The following HS3ST6 variants were observed in gnomAD, a reference collection of about 807,000 sequenced individuals.
HS3ST6 encodes heparan sulfate-glucosamine 3-sulfotransferase 6.
A neutral mutation model predicts 11.0 loss-of-function variants in HS3ST6; 13 were observed. That is an observed-to-expected ratio of 1.18 (90% CI 0.77 to 1.88). The LOEUF is 1.88. Ranked by LOEUF, HS3ST6 falls within the 40% of genes most tolerant of loss-of-function variation. The pLI, the probability that HS3ST6 is intolerant of heterozygous loss-of-function variation, is 0.00. For synonymous variants in HS3ST6, 232 were observed against 230.6 expected (o/e 1.01, Z -0.06); for missense variants, 541 against 494.4 (o/e 1.09, Z -0.89).
chr16:1,911,553 G>T lies in HS3ST6; in HGVS notation c.*37C>A, dbSNP rs1172933176. On this transcript the variant is annotated 3_prime_UTR_variant, in exon 2 of 2. Transcript: ENST00000454677. Reference sequence around the variant, plus strand: ...CAGCCCGCTCTGGCCAGGCGAGCGGGTGTCAATCAAGGTGCTGAGCATCCC... The same window carrying T: ...CAGCCCGCTCTGGCCAGGCGAGCGGTTGTCAATCAAGGTGCTGAGCATCCC... 5.2e-6 allele frequency: 8 copies of T among 1,541,286 alleles called. No homozygotes were observed. The highest frequency in any genetic ancestry group is 1.4e-5 in the African/African-American group (1 of 72,716).
At position 1,912,074 on chromosome 16, in the gene HS3ST6, TTCCGCACCAC is replaced by T. The variant is rs774515136; in HGVS notation, c.535_544del (p.Val179ThrfsTer3). The T allele has an allele frequency of 3.3e-6, 5 of 1,513,176 alleles. No homozygotes were observed. Among genetic ancestry groups the T allele is most frequent in the Non-Finnish European group, 4.4e-6 (5 of 1,132,964 alleles). 93.7% of individuals were successfully genotyped at this position (1,513,176 alleles called of 1,614,324 possible). Reference sequence around the variant, plus strand: ...GTCGGAGATGGCCCGGGTCACGGGGTTCCGCACCACCACGATCAGCTTCGTGTCCGGGGAC... The same window carrying T: ...GTCGGAGATGGCCCGGGTCACGGGGTCACGATCAGCTTCGTGTCCGGGGAC... On this transcript the variant is annotated frameshift_variant, in exon 2 of 2. Transcript: ENST00000454677. LOFTEE classifies it low-confidence loss of function (END_TRUNC). This position sits in a 1 kb window ranked among gnomAD's most constrained non-coding sequence, Gnocchi z 5.6.
chr16:1,917,067 T>C (rs2082930989), intron 1 of HS3ST6, among the ~76,000 whole-genome samples: 1 of 152,016 alleles, frequency 6.6e-6, no homozygotes, highest in Non-Finnish European at 1.5e-5. Context: ...AGAGTAGTTT[T>C]AGTACAAAAG....
chr16:1,916,380 T>TC (rs1284578977), intron 1 of HS3ST6, among the ~76,000 whole-genome samples: 1 of 147,794 alleles, frequency 6.8e-6, no homozygotes, highest in East Asian at 2.0e-4. Flanking sequence ...GAGCAGTCAC[T>TC]CTCCTGTACC....
chr16:1,920,397 AGGTTC>A (rs2082957548), upstream of HS3ST6, among the ~76,000 whole-genome samples: 1 of 86,096 alleles, frequency 1.2e-5, no homozygotes, highest in African/African-American at 4.6e-5. Flanking sequence ...GAGTCCCCAC[AGGTTC>A]AGCAGTCCCC....
chr16:1,918,348 G>T lies in HS3ST6; in HGVS notation c.-25C>A. ...TGGGGTCGCGCCGCTCCAGGCCCGGGAGCGGGGGCAGCAGGCGGGCGCGCA... is the reference window on the plus strand; with the variant it reads ...TGGGGTCGCGCCGCTCCAGGCCCGGTAGCGGGGGCAGCAGGCGGGCGCGCA... On this transcript the variant is annotated 5_prime_UTR_variant, in exon 1 of 2. Transcript: ENST00000454677. This position sits in a 1 kb window ranked among gnomAD's most constrained non-coding sequence, Gnocchi z 6.0. The T allele has an allele frequency of 6.2e-6, 2 of 321,242 alleles. No homozygotes were observed. Among genetic ancestry groups the T allele is most frequent in the South Asian group, 2.2e-4 (2 of 9,000 alleles). 19.9% of individuals were successfully genotyped at this position (321,242 alleles called of 1,614,324 possible).
Position 1,918,311 on chromosome 16 carries a change from C to T in HS3ST6, c.13G>A (p.Gly5Ser). ...CCCCCGGCCCCGCCGCCCAGGCCGCCGCTACCTGCCATGGGGTCGCGCCGC... is the reference window on the plus strand; with the variant it reads ...CCCCCGGCCCCGCCGCCCAGGCCGCTGCTACCTGCCATGGGGTCGCGCCGC... MAGS[G>S]GLGGGAGGGQ... The change falls in exon 1 of 2, where the codon GGC becomes AGC. Residue 5 changes from glycine (G) to serine (S), a missense_variant. Coordinates refer to ENST00000454677, the MANE Select transcript of HS3ST6 (RefSeq NM_001009606.4). The surrounding 1 kb of genome is among the most constrained non-coding windows in gnomAD (Gnocchi z 6.0). 1.6e-6 allele frequency: 1 copy of T among 637,382 alleles called. No individual in the cohort carries two copies. Among genetic ancestry groups the T allele is most frequent in the Non-Finnish European group, 1.9e-6 (1 of 518,252 alleles). 39.5% of individuals were successfully genotyped at this position (637,382 alleles called of 1,614,324 possible).
chr16:1,920,422 GCCATCCCCAC>G (rs2082957894), upstream of HS3ST6, among the ~76,000 whole-genome samples: 1 of 151,586 alleles, frequency 6.6e-6, no homozygotes, highest in Non-Finnish European at 1.5e-5. Flanking sequence ...CACGGTCTCA[GCCATCCCCAC>G]GGTCTCAGCC....
intron 1 of HS3ST6, among the ~76,000 whole-genome samples, chr16:1,916,347 AT>A: frequency 6.6e-6 from 1 of 152,144 alleles, no homozygotes; most frequent in Middle Eastern, 3.4e-3. Context: ...CTTCTAAAAA[AT>A]GAGGACGTCA....
At chr16:1,915,066 C>T (rs758190) in intron 1 of HS3ST6, among the ~76,000 whole-genome samples, 53,478 of 151,932 alleles carry the variant, frequency 0.35, 9,780 homozygotes, top group South Asian at 0.55. Context: ...CCCCACACCT[C>T]AGGCCTGGGA....
chr16:1,912,202 A>T lies in HS3ST6; in HGVS notation c.417T>A (p.Ser139Arg), dbSNP rs958526352. 4.3e-6 allele frequency: 6 copies of T among 1,410,012 alleles called. No individual in the cohort carries two copies. The highest frequency in any genetic ancestry group is 5.6e-6 in the Non-Finnish European group (6 of 1,080,210). 87.3% of individuals were successfully genotyped at this position (1,410,012 alleles called of 1,614,324 possible). ...GCCCATCCAGGGTTCGGGGCATCAG[A>T]CTCCTGCGGGACGGGTGCAAGGAGA... ...CYERGLAWYRSLMPRTLDGQI... is the reference protein window; with the variant it reads ...CYERGLAWYRRLMPRTLDGQI... Residue 139 changes from serine (S) to arginine (R), a missense_variant, in exon 2 of 2, where the codon AGT (serine) becomes AGA (arginine). Transcript: ENST00000454677. The surrounding 1 kb of genome is among the most constrained non-coding windows in gnomAD (Gnocchi z 5.6).
chr16:1,912,133 C>A lies in HS3ST6; in HGVS notation c.486G>T (p.Glu162Asp). Residue 162 changes from glutamate to aspartate, a missense_variant, in exon 2 of 2, where the codon GAG becomes GAT. By Grantham distance (45) the Glu-to-Asp change is conservative. Coordinates refer to ENST00000454677, the MANE Select transcript of HS3ST6 (RefSeq NM_001009606.4). The surrounding 1 kb of genome is among the most constrained non-coding windows in gnomAD (Gnocchi z 5.6). ...ACATGGCGTGGATGCGGCGGGGGGC[C>A]TCTCGCGTCACGAAGTAGCTGGGGG... ...EKTPSYFVTR[E>D]APRRIHAMSP... 2 of 1,493,462 alleles carry A rather than the reference C, an allele frequency of 1.3e-6. No individual in the cohort carries two copies. Among genetic ancestry groups the A allele is most frequent in the African/African-American group, 1.4e-5 (1 of 70,362 alleles). The allele number at this position is 1,493,462 out of a possible 1,614,324, so 92.5% of individuals were successfully genotyped here.
intron 1 of HS3ST6, among the ~76,000 whole-genome samples, chr16:1,914,141 C>T (rs1056518163): frequency 1.3e-5 from 2 of 152,100 alleles, no homozygotes; most frequent in African/African-American, 4.8e-5. Flanking sequence ...TCAGCCCTCC[C>T]TCTTCCCACC....
At position 1,912,692 on chromosome 16, in the gene HS3ST6, A is replaced by G. The variant is rs1035030119; in HGVS notation, c.414-487T>C. 1.3e-5 allele frequency among the ~76,000 whole-genome samples: 2 copies of G among 152,008 alleles called. No homozygotes were observed. The highest frequency in any genetic ancestry group is 2.9e-5 in the Non-Finnish European group (2 of 67,992). ...ACCCGTTCACTCAGTGGCTGACAGC[A>G]TCCCCTAAATCAGCCCTTCACCAAT... On this transcript the variant is annotated intron_variant, in intron 1 of 1. Coordinates refer to ENST00000454677, the MANE Select transcript of HS3ST6 (RefSeq NM_001009606.4). The surrounding 1 kb of genome is among the most constrained non-coding windows in gnomAD (Gnocchi z 5.6).
intron 1 of HS3ST6, among the ~76,000 whole-genome samples, chr16:1,916,205 G>T (rs2150845716): frequency 6.6e-6 from 1 of 152,354 alleles, no homozygotes; most frequent in African/African-American, 2.4e-5. Context: ...CGGAAGCTCA[G>T]CAGGCCCAGC....
rs201101395 is a variant in HS3ST6 at position 1,912,225 on chromosome 16, A to T, written c.414-20T>A. 6.1e-4 allele frequency: 843 copies of T among 1,382,202 alleles called. 3 individuals are homozygous for T. The Middle Eastern group carries it at 8.2e-3, about 13-fold the overall frequency. 85.6% of individuals were successfully genotyped at this position (1,382,202 alleles called of 1,614,324 possible). A position where few individuals can be genotyped will look rare whatever the true frequency, so the allele number is the denominator to read the frequency against. The stretch of plus-strand genomic sequence containing the variant: ...AGACTCCTGCGGGACGGGTGCAAGG[A>T]GAGGGGGCCTGAGCCTCCCCAGCCC... On this transcript the variant is annotated intron_variant, in intron 1 of 1. Coordinates refer to ENST00000454677, the MANE Select transcript of HS3ST6 (RefSeq NM_001009606.4). This position sits in a 1 kb window ranked among gnomAD's most constrained non-coding sequence, Gnocchi z 5.6.
At chr16:1,916,742 C>T (rs973933135) in intron 1 of HS3ST6, among the ~76,000 whole-genome samples, 10 of 151,026 alleles carry the variant, frequency 6.6e-5, no homozygotes, top group African/African-American at 1.7e-4. Flanking sequence ...TTCCCCCTCC[C>T]GCCTCTCCCC....
chr16:1,914,164 C>T (rs373445514), intron 1 of HS3ST6, among the ~76,000 whole-genome samples: 244 of 152,268 alleles, frequency 1.6e-3, no homozygotes, highest in Middle Eastern at 6.8e-3. Context: ...GGAGGGCTGC[C>T]TCCTTCCAGC....
rs1321018013 is a variant in HS3ST6 at position 1,911,656 on chromosome 16, C to T, written c.963G>A (p.Gln321=). 2 of 1,610,448 alleles carry T rather than the reference C, an allele frequency of 1.2e-6. No individual in the cohort carries two copies. Among genetic ancestry groups the T allele is most frequent in the African/African-American group, 1.3e-5 (1 of 74,898 alleles). ...RVPQALVRRL[Q]EFYRPFNRRF... ...TGCGGTTGAAGGGCCGGTAGAACTC[C>T]TGCAGGCGCCGGACCAGGGCCTGGG... The change falls in exon 2 of 2, where the codon CAG becomes CAA. Residue 321 remains glutamine (Q), a synonymous_variant. Transcript: ENST00000454677.
chr16:1,914,019 C>G (rs2082909772), intron 1 of HS3ST6, among the ~76,000 whole-genome samples: 1 of 152,194 alleles, frequency 6.6e-6, no homozygotes, highest in Admixed American at 6.5e-5. Flanking sequence ...ACAAGTCCTC[C>G]TCCGTCTTGG....
Sources: gnomAD v4.1 joint callset for allele counts (sites outside exome capture counted in the v4.1 genomes callset) on GRCh38, gnomAD v4.1.1 for gene constraint, Gnocchi (gnomAD v3.1) non-coding constraint, MANE v1.5 for transcripts, NCBI Gene and HGNC (gene_info 2026-07-23, HGNC 2026-07-21) for gene names.